The following MAP9 variants were observed in gnomAD, a reference collection of about 807,000 sequenced individuals.
The protein encoded by MAP9 is microtubule-associated protein 9.
MAP9 carries 80 observed loss-of-function variants against 75.2 expected under a neutral mutation model. The ratio of observed to expected loss-of-function variants is 1.06; its 90% confidence interval spans 0.89 to 1.28. The LOEUF is 1.28. MAP9 is among the 50% of genes most tolerant of loss of function. MAP9 has a pLI of 0.00. For missense variants in MAP9, 753 were observed against 719.9 expected (o/e 1.05, Z -0.53); for synonymous variants, 235 against 237.3 (o/e 0.99, Z 0.09).
intron 5 of MAP9, among the ~76,000 whole-genome samples, chr4:155,366,220 A>G (rs570969900): frequency 2.2e-4 from 34 of 152,088 alleles, no homozygotes; most frequent in Non-Finnish European, 3.8e-4. Context: ...TTAGCCAGGC[A>G]TGGTGGTGGG....
At chr4:155,373,783 A>G (rs576953127) in intron 3 of MAP9, among the ~76,000 whole-genome samples, 11 of 152,336 alleles carry the variant, frequency 7.2e-5, no homozygotes, top group African/African-American at 2.6e-4. Context: ...GTAGCATTTA[A>G]ATTAGATTAT....
intron 7 of MAP9, 146 bp from the exon 8 acceptor site, chr4:155,357,665 A>AAT (rs1455859331): frequency 1.6e-6 from 1 of 617,442 alleles, no homozygotes; most frequent in Non-Finnish European, 2.9e-6. Flanking sequence ...CAGTGAATAA[A>AAT]ATGCCCTTAA....
At chr4:155,358,499 A>C (rs1208436252) in intron 7 of MAP9, among the ~76,000 whole-genome samples, 2 of 152,176 alleles carry the variant, frequency 1.3e-5, no homozygotes, top group African/African-American at 4.8e-5. Flanking sequence ...ACAAATTTTC[A>C]GCTAGCCCTG....
Position 155,344,437 on chromosome 4 carries a change from T to A in MAP9, c.*3346A>T, listed in dbSNP as rs1333416582. The A allele has an allele frequency of 1.3e-5, 2 of 151,938 alleles. No homozygotes were observed. Among genetic ancestry groups the A allele is most frequent in the Non-Finnish European group, 2.9e-5 (2 of 67,882 alleles). 9.4% of individuals were successfully genotyped at this position (151,938 alleles called of 1,614,324 possible). Reference sequence around the variant, plus strand: ...TTGGACAAGTCAAAGTACTTGACAATCAGTTTCTTCAACTTAGAAATAAAA... The same window carrying A: ...TTGGACAAGTCAAAGTACTTGACAAACAGTTTCTTCAACTTAGAAATAAAA... On this transcript the variant is annotated 3_prime_UTR_variant, in exon 14 of 14. Coordinates refer to ENST00000311277, the MANE Select transcript of MAP9 (RefSeq NM_001039580.2).
At chr4:155,374,165 C>A (rs1208838417) in intron 3 of MAP9, among the ~76,000 whole-genome samples, 1 of 151,942 alleles carries the variant, frequency 6.6e-6, no homozygotes, top group Non-Finnish European at 1.5e-5. Flanking sequence ...GTGGTGAAAC[C>A]CCATCTCTAC....
rs141110344 is a variant in MAP9, at chr4:155,352,444, T to C, written c.1821+152A>G. 3.2e-4 allele frequency: 220 copies of C among 689,000 alleles called. No individual in the cohort carries two copies. The African/African-American group carries it at 3.4e-3, about 11-fold the overall frequency. 42.7% of individuals were successfully genotyped at this position (689,000 alleles called of 1,614,324 possible). On this transcript the variant is annotated intron_variant, in intron 13 of 13. Coordinates refer to ENST00000311277, the MANE Select transcript of MAP9 (RefSeq NM_001039580.2). Reference sequence around the variant, plus strand: ...AGAAATGACTAAGTCAAAGAAAATATGCTATATGCAGGAGGAGAGCTTGAA... The same window carrying C: ...AGAAATGACTAAGTCAAAGAAAATACGCTATATGCAGGAGGAGAGCTTGAA...
intron 5 of MAP9, among the ~76,000 whole-genome samples, chr4:155,364,211 C>CTAA (rs1169571247): frequency 6.6e-6 from 1 of 151,942 alleles, no homozygotes; most frequent in African/African-American, 2.4e-5. Context: ...AAGAAGGCAA[C>CTAA]TGTTAGACAA....
chr4:155,364,471 A>G (rs941493301), intron 5 of MAP9, among the ~76,000 whole-genome samples: 44 of 148,200 alleles, frequency 3.0e-4, no homozygotes, highest in African/African-American at 1.1e-3. Flanking sequence ...TTATATATCT[A>G]TATAATATAT....
In MAP9 at chr4:155,360,365, T is replaced by G; in HGVS notation, c.853A>C (p.Asn285His). The G allele has an allele frequency of 6.2e-7, 1 of 1,612,484 alleles. No individual in the cohort carries two copies. Reference protein sequence around the residue: ...ENHNSLKSDENKENSFSADHV... With the variant: ...ENHNSLKSDEHKENSFSADHV... ...TCTGCTGAAAATGAATTCTCTTTATTTTCATCTGATTTCAAGGAATTATGG... is the reference window on the plus strand; with the variant it reads ...TCTGCTGAAAATGAATTCTCTTTATGTTCATCTGATTTCAAGGAATTATGG... Residue 285 changes from asparagine (N) to histidine (H), a missense_variant, in exon 7 of 14, where the codon AAT becomes CAT. By Grantham distance (68) the Asn-to-His change is moderately conservative. Coordinates refer to ENST00000311277, the MANE Select transcript of MAP9 (RefSeq NM_001039580.2).
chr4:155,352,856 T>C (rs970964418), intron 12 of MAP9, 56 bp downstream of exon 12: 2 of 1,437,058 alleles, frequency 1.4e-6, no homozygotes, highest in Admixed American at 4.3e-5. Flanking sequence ...TTTTATAAAA[T>C]CCTGAAGTGT....
rs1384294116 is a variant in MAP9, at chr4:155,344,124, T to C, written c.*3659A>G. On this transcript the variant is annotated 3_prime_UTR_variant, in exon 14 of 14. Coordinates refer to ENST00000311277, the MANE Select transcript of MAP9 (RefSeq NM_001039580.2). ...TACTTTGTGAAATTCCTTTTCTTTATTGTATCTTAGTCCATGACACAGGAT... is the reference window on the plus strand; with the variant it reads ...TACTTTGTGAAATTCCTTTTCTTTACTGTATCTTAGTCCATGACACAGGAT... 1.3e-5 allele frequency: 2 copies of C among 152,116 alleles called. No individual in the cohort carries two copies. Among genetic ancestry groups the C allele is most frequent in the East Asian group, 3.9e-4 (2 of 5,184 alleles). The allele number at this position is 152,116 out of a possible 1,614,324, so 9.4% of individuals were successfully genotyped here.
At chr4:155,367,607 C>T (rs532547532) in intron 5 of MAP9, 39 of 152,358 alleles carry the variant, frequency 2.6e-4, no homozygotes, top group African/African-American at 7.9e-4. Context: ...GCTTGGGTTT[C>T]TTCTTCTGGT....
chr4:155,347,964 C>A, intron 13 of MAP9, 59 bp from the exon 14 acceptor site: 1 of 1,111,114 alleles, frequency 9.0e-7, no homozygotes, highest in South Asian at 1.6e-5. Context: ...ATTTTCAAAT[C>A]AGGTTGCTTG....
intron 8 of MAP9, among the ~76,000 whole-genome samples, chr4:155,356,668 CAA>C (rs1259563778): frequency 6.6e-6 from 1 of 152,094 alleles, no homozygotes. Context: ...TTTTGATATA[CAA>C]AGTTTATTGC....
At chr4:155,372,215 T>C (rs926878130) in intron 4 of MAP9, among the ~76,000 whole-genome samples, 2 of 152,172 alleles carry the variant, frequency 1.3e-5, no homozygotes, top group African/African-American at 2.4e-5. Flanking sequence ...AGTTCCCCAA[T>C]ACATGCCTGA....
At position 155,345,280 on chromosome 4, in the gene MAP9, A is replaced by C. The variant is rs556083247; in HGVS notation, c.*2503T>G. On this transcript the variant is annotated 3_prime_UTR_variant, in exon 14 of 14. Coordinates refer to ENST00000311277, the MANE Select transcript of MAP9 (RefSeq NM_001039580.2). ...CAGTGCAGGTTGCTGTAAACAGGAA[A>C]TAATATGTTATTTATCATAGTAAGA... is the stretch of plus-strand genomic sequence containing the variant. 7.2e-5 allele frequency: 11 copies of C among 152,176 alleles called. No individual in the cohort carries two copies. Among genetic ancestry groups the C allele is most frequent in the African/African-American group, 2.6e-4 (11 of 41,566 alleles). 9.4% of individuals were successfully genotyped at this position (152,176 alleles called of 1,614,324 possible). A position where few individuals can be genotyped will look rare whatever the true frequency, so the allele number is the denominator to read the frequency against.
At chr4:155,373,077 A>G in intron 4 of MAP9, 59 bp downstream of exon 4, 1 of 1,206,314 alleles carries the variant, frequency 8.3e-7, no homozygotes, top group Non-Finnish European at 1.1e-6. Context: ...AAATTTTGGG[A>G]CTGATTATCT....
Position 155,346,053 on chromosome 4 carries a change from G to A in MAP9, c.*1730C>T, listed in dbSNP as rs1295636715. On this transcript the variant is annotated 3_prime_UTR_variant, in exon 14 of 14. Coordinates refer to ENST00000311277, the MANE Select transcript of MAP9 (RefSeq NM_001039580.2). ...TTCTGGCCATATAGAAAGGGTTCTA[G>A]TTTTATCTATGAAATTTCTCTTAAT... 6.6e-6 allele frequency: 1 copy of A among 152,142 alleles called. No homozygotes were observed. 9.4% of individuals were successfully genotyped at this position (152,142 alleles called of 1,614,324 possible).
In MAP9 at chr4:155,373,354, T is replaced by G; in HGVS notation, c.263A>C (p.Lys88Thr). Residue 88 changes from lysine (K) to threonine (T), a missense_variant, in exon 4 of 14, where the codon AAA (lysine) becomes ACA (threonine). Physicochemically the swap from Lys to Thr is moderately conservative, Grantham distance 78. Transcript: ENST00000311277. ...ISDDEEKNPS[K>T]LLFLKTNKSN... ...TTTATTGGTTTTCAAAAACAATAGT[T>G]TTGAAGGATTCTTTTCTTCATCATC... The G allele has an allele frequency of 6.2e-7, 1 of 1,613,032 alleles. No homozygotes were observed. Among genetic ancestry groups the G allele is most frequent in the Non-Finnish European group, 8.5e-7 (1 of 1,179,428 alleles).
Sources: gnomAD v4.1 joint callset for allele counts (sites outside exome capture counted in the v4.1 genomes callset) on GRCh38, gnomAD v4.1.1 for gene constraint, MANE v1.5 for transcripts, NCBI Gene and HGNC (gene_info 2026-07-23, HGNC 2026-07-21) for gene names.